Variants in AGBL4 observed in about 807,000 individuals in gnomAD.
AGBL4 encodes the protein cytosolic carboxypeptidase 6.
Under a neutral mutation model 66.4 loss-of-function variants are expected in AGBL4, and 58 were observed. The observed-to-expected ratio is 0.87, with a 90% CI of 0.71 to 1.09. The LOEUF is 1.09. Ranked by LOEUF, AGBL4 falls within the 50% of genes least tolerant of loss-of-function variation. The pLI is 0.00. For synonymous variants in AGBL4, 234 were observed against 222.9 expected, an observed-to-expected ratio of 1.05 and a Z score of -0.44; for missense variants, 579 against 631.0, an observed-to-expected ratio of 0.92 and a Z score of 0.88.
intron 8 of AGBL4, among the ~76,000 whole-genome samples, chr1:48,643,649 C>T (rs1645792262): frequency 6.6e-6 from 1 of 152,210 alleles, no homozygotes; most frequent in Non-Finnish European, 1.5e-5. Flanking sequence ...GAGGAACTCC[C>T]CATTGCTTTC....
Position 49,693,097 on chromosome 1 carries a change from A to C in AGBL4, c.282+4216T>G, listed in dbSNP as rs1371291787. Among the ~76,000 whole-genome samples, 24 of 152,188 alleles carry C rather than the reference A, an allele frequency of 1.6e-4. No individual in the cohort carries two copies. In the East Asian group the frequency reaches 4.6e-3, roughly 29 times the overall value. ...ACAAGTGAGGAAAAAGTAACAATTT[A>C]TTATGGATTTCTGAACACTGGAGTT... On this transcript the variant is annotated intron_variant, in intron 3 of 13. Transcript: ENST00000371839.
chr1:48,659,056 A>T (rs183508530), intron 7 of AGBL4, among the ~76,000 whole-genome samples: 1 of 152,252 alleles, frequency 6.6e-6, no homozygotes, highest in Admixed American at 6.5e-5. Context: ...CCAACTTACC[A>T]GGTGACATCC....
chr1:48,797,620 C>T lies in AGBL4; in HGVS notation c.634+69571G>A, dbSNP rs140959926. On this transcript the variant is annotated intron_variant, in intron 6 of 13. Transcript: ENST00000371839. ...ACCACATTATCTTTTTTTTTTGAGA[C>T]GGAGTCTCACTATGTTGCCCAGGCT... 1.4e-4 allele frequency among the ~76,000 whole-genome samples: 21 copies of T among 151,596 alleles called. No homozygotes were observed. The East Asian group carries it at 2.1e-3, about 15-fold the overall frequency.
chr1:49,872,132 C>G (rs1373253073), intron 1 of AGBL4, among the ~76,000 whole-genome samples: 1 of 151,878 alleles, frequency 6.6e-6, no homozygotes, highest in Non-Finnish European at 1.5e-5. Context: ...TTTGCTAATT[C>G]TTTTTTTGTC....
intron 4 of AGBL4, among the ~76,000 whole-genome samples, chr1:49,180,806 C>A (rs1031199363): frequency 2.6e-5 from 4 of 152,080 alleles, no homozygotes; most frequent in African/African-American, 9.7e-5. Flanking sequence ...GGACATGCAC[C>A]CTGTAATTCA....
intron 3 of AGBL4, among the ~76,000 whole-genome samples, chr1:49,565,965 C>T (rs1305043305): frequency 6.6e-6 from 1 of 152,204 alleles, no homozygotes; most frequent in African/African-American, 2.4e-5. Flanking sequence ...GGTCTTTTCA[C>T]ATAGTCCCAT....
chr1:49,078,438 GTC>G (rs1644750027), intron 4 of AGBL4, among the ~76,000 whole-genome samples: 2 of 152,104 alleles, frequency 1.3e-5, no homozygotes, highest in Admixed American at 1.3e-4. Context: ...ATTCTTGACT[GTC>G]TTTCTTCAGT....
chr1:49,767,776 C>T (rs1287914489), intron 2 of AGBL4, among the ~76,000 whole-genome samples: 2 of 151,428 alleles, frequency 1.3e-5, no homozygotes, highest in African/African-American at 4.8e-5. Flanking sequence ...ACAACTGATC[C>T]CAAAGAAATT....
At chr1:49,850,314 G>T (rs1043857772) in intron 2 of AGBL4, among the ~76,000 whole-genome samples, 1 of 152,144 alleles carries the variant, frequency 6.6e-6, no homozygotes, top group African/African-American at 2.4e-5. Flanking sequence ...CTAACAACCT[G>T]TAGGAAGCTA....
chr1:48,984,471 C>T (rs1290879131), intron 5 of AGBL4, among the ~76,000 whole-genome samples: 4 of 149,592 alleles, frequency 2.7e-5, no homozygotes, highest in Non-Finnish European at 6.0e-5. Context: ...AAAAAATCTG[C>T]CTGAGCCTCG....
intron 6 of AGBL4, among the ~76,000 whole-genome samples, chr1:48,780,010 G>A (rs946608217): frequency 2.6e-5 from 4 of 151,784 alleles, no homozygotes; most frequent in East Asian, 1.9e-4. Context: ...CACCGCGCCC[G>A]GCCTTTATTA....
At chr1:49,344,920 G>T (rs1360894959) in intron 3 of AGBL4, among the ~76,000 whole-genome samples, 4 of 152,118 alleles carry the variant, frequency 2.6e-5, no homozygotes, top group African/African-American at 9.7e-5. Context: ...CAGAATCTTT[G>T]AGTTATCATT....
intron 3 of AGBL4, among the ~76,000 whole-genome samples, chr1:49,632,598 A>T (rs931282151): frequency 1.3e-5 from 2 of 152,040 alleles, no homozygotes; most frequent in Non-Finnish European, 2.9e-5. Flanking sequence ...CATCATCTTT[A>T]GCTCTCCCTA....
At chr1:49,850,674 C>T (rs546079282) in intron 2 of AGBL4, among the ~76,000 whole-genome samples, 34 of 152,172 alleles carry the variant, frequency 2.2e-4, no homozygotes, top group African/African-American at 8.2e-4. Flanking sequence ...TGGTATGTCC[C>T]TTCAGCCACA....
At chr1:49,815,023 T>G (rs1371596643) in intron 2 of AGBL4, among the ~76,000 whole-genome samples, 2 of 152,138 alleles carry the variant, frequency 1.3e-5, no homozygotes, top group African/African-American at 4.8e-5. Flanking sequence ...TTACAAACAA[T>G]CCAATTATAC....
intron 4 of AGBL4, chr1:49,174,712 A>C (rs1414606641): frequency 6.6e-6 from 1 of 152,136 alleles, no homozygotes; most frequent in African/African-American, 2.4e-5. Context: ...TCTCTATTAG[A>C]AAGTCCACTG....
intron 2 of AGBL4, among the ~76,000 whole-genome samples, chr1:49,775,753 T>C (rs1244062527): frequency 6.6e-6 from 1 of 152,054 alleles, no homozygotes; most frequent in Non-Finnish European, 1.5e-5. Context: ...AAAAGTTTGC[T>C]GAATGAATGT....
intron 3 of AGBL4, among the ~76,000 whole-genome samples, chr1:49,666,557 C>T (rs1018914910): frequency 6.6e-6 from 1 of 151,648 alleles, no homozygotes; most frequent in African/African-American, 2.4e-5. Flanking sequence ...CAGAGTGAGA[C>T]TCTGTCTCAA....
At chr1:48,657,551 C>T (rs1294336279) in intron 7 of AGBL4, among the ~76,000 whole-genome samples, 2 of 152,162 alleles carry the variant, frequency 1.3e-5, no homozygotes, top group African/African-American at 4.8e-5. Flanking sequence ...AGAGAGCTGG[C>T]AGAGGTAAAG....
Sources: allele counts gnomAD v4.1 joint callset (sites outside exome capture counted in the v4.1 genomes callset), GRCh38; gene constraint gnomAD v4.1.1; transcripts MANE v1.5; gene names NCBI Gene and HGNC (gene_info 2026-07-23, HGNC 2026-07-21).